Variants in PIERCE2 observed in about 807,000 individuals in gnomAD.
PIERCE2 encodes piercer of microtubule wall 2.
At chr15:55,415,490 A>G in the PIERCE2 span, among the ~76,000 whole-genome samples, 7,390 of 150,690 alleles carry the variant, frequency 0.049, 263 homozygotes, top group East Asian at 0.15. Context: ...AAGGGAAGGA[A>G]GGGCTTTATT....
the PIERCE2 span, among the ~76,000 whole-genome samples, chr15:55,411,399 G>A: frequency 8.5e-5 from 13 of 152,120 alleles, no homozygotes; most frequent in African/African-American, 3.1e-4. Flanking sequence ...GGGACGCAGA[G>A]GTTACAATGA....
chr15:55,415,217 C>T, the PIERCE2 span, among the ~76,000 whole-genome samples: 86 of 152,180 alleles, frequency 5.7e-4, no homozygotes, highest in Middle Eastern at 3.4e-3. Context: ...CCTGTAATCC[C>T]GGCACTTTGG....
chr15:55,416,358 C>T, the PIERCE2 span, among the ~76,000 whole-genome samples: 1 of 152,068 alleles, frequency 6.6e-6, no homozygotes, highest in South Asian at 2.1e-4. Context: ...CCTTGGCCTC[C>T]CAAAGTGCTG....
At chr15:55,414,981 G>GC in the PIERCE2 span, among the ~76,000 whole-genome samples, 1 of 152,158 alleles carries the variant, frequency 6.6e-6, no homozygotes, top group Non-Finnish European at 1.5e-5. Flanking sequence ...TATACTAACA[G>GC]CACTTTAGAG....
At chr15:55,418,610 G>A in the PIERCE2 span, 5 of 1,264,566 alleles carry the variant, frequency 4.0e-6, no homozygotes, top group South Asian at 3.2e-5. Context: ...AATATACTCG[G>A]GAAAAATGAG....
chr15:55,412,778 C>G, the PIERCE2 span, among the ~76,000 whole-genome samples: 2 of 150,488 alleles, frequency 1.3e-5, no homozygotes, highest in Non-Finnish European at 3.0e-5. Flanking sequence ...ATCTCTGTCT[C>G]AAAAAAAAGA....
the PIERCE2 span, among the ~76,000 whole-genome samples, chr15:55,413,138 G>T: frequency 6.6e-6 from 1 of 152,064 alleles, no homozygotes; most frequent in Non-Finnish European, 1.5e-5. Flanking sequence ...CACGGTGGCT[G>T]GCGCCTGTAG....
At chr15:55,418,444 T>C in the PIERCE2 span, 3 of 1,522,668 alleles carry the variant, frequency 2.0e-6, no homozygotes, top group Non-Finnish European at 2.6e-6. Context: ...CCTGCAATTA[T>C]ACTCCAAAGG....
chr15:55,417,475 T>C, the PIERCE2 span, among the ~76,000 whole-genome samples: 1 of 152,158 alleles, frequency 6.6e-6, no homozygotes, highest in Non-Finnish European at 1.5e-5. Context: ...CAGTTAGCTA[T>C]GTAATTAGTT....
the PIERCE2 span, among the ~76,000 whole-genome samples, chr15:55,411,703 C>G: frequency 6.6e-6 from 1 of 152,040 alleles, no homozygotes; most frequent in East Asian, 1.9e-4. Context: ...GGGCGGATCA[C>G]CTGAGGTTGG....
At chr15:55,408,869 C>G in the PIERCE2 span, 3 of 970,294 alleles carry the variant, frequency 3.1e-6, no homozygotes, top group South Asian at 4.6e-5. Flanking sequence ...CCTACCACCC[C>G]CAACCCCACA....
the PIERCE2 span, chr15:55,411,305 AAC>A: frequency 6.6e-6 from 1 of 151,950 alleles, no homozygotes; most frequent in Non-Finnish European, 1.5e-5. Flanking sequence ...TTCTACTAAA[AAC>A]ACAAAAATTA....
the PIERCE2 span, chr15:55,408,895 T>C: frequency 1.4e-6 from 1 of 713,410 alleles, no homozygotes. Context: ...GAAAAGCACT[T>C]TACAAGGCAA....
the PIERCE2 span, among the ~76,000 whole-genome samples, chr15:55,417,401 T>G: frequency 6.6e-6 from 1 of 152,254 alleles, no homozygotes; most frequent in Non-Finnish European, 1.5e-5. Flanking sequence ...AGAACCCCCA[T>G]TCTGTCTTCA....
the PIERCE2 span, chr15:55,408,520 C>T: frequency 2.8e-6 from 1 of 352,502 alleles, no homozygotes; most frequent in Admixed American, 4.8e-5. Flanking sequence ...CGGGAGCCGG[C>T]GACCACTTCC....
chr15:55,414,101 G>A, the PIERCE2 span, among the ~76,000 whole-genome samples: 3 of 151,602 alleles, frequency 2.0e-5, no homozygotes, highest in Non-Finnish European at 2.9e-5. Flanking sequence ...GTTTCACCGC[G>A]TTAGCCAGGA....
the PIERCE2 span, among the ~76,000 whole-genome samples, chr15:55,416,342 C>T: frequency 4.6e-5 from 7 of 152,174 alleles, no homozygotes; most frequent in East Asian, 5.8e-4. Flanking sequence ...CCTCGTGATC[C>T]GCCCACCTTG....
At chr15:55,413,760 CAAAAAAAA>C in the PIERCE2 span, among the ~76,000 whole-genome samples, 3 of 111,458 alleles carry the variant, frequency 2.7e-5, no homozygotes, top group Non-Finnish European at 5.4e-5. Flanking sequence ...AACTCCGTTT[CAAAAAAAA>C]AAAAAAAAAA....
the PIERCE2 span, among the ~76,000 whole-genome samples, chr15:55,413,295 G>T: frequency 3.4e-4 from 52 of 151,512 alleles, 2 homozygotes; most frequent in Middle Eastern, 0.017. Flanking sequence ...ATAAAAATTA[G>T]CTGGGTATGG....
Sources: gnomAD v4.1 joint callset for allele counts (sites outside exome capture counted in the v4.1 genomes callset) on GRCh38, gnomAD v4.1.1 for gene constraint, MANE v1.5 for transcripts, NCBI Gene and HGNC (gene_info 2026-07-23, HGNC 2026-07-21) for gene names.